Variants in FLCN observed in about 807,000 individuals in gnomAD.
FLCN encodes the protein BHD skin lesion fibrofolliculoma protein.
FLCN carries 22 observed loss-of-function variants against 62.5 expected under a neutral mutation model. That is an observed-to-expected ratio of 0.35 (90% CI 0.25 to 0.50). The LOEUF (loss-of-function observed/expected upper bound fraction) is 0.50, where lower values mean the gene tolerates loss of function less well. Ranked by LOEUF, FLCN falls within the 20% of genes least tolerant of loss-of-function variation. FLCN has a pLI of 0.97. For missense variants in FLCN, 657 were observed against 778.0 expected, an observed-to-expected ratio of 0.84 and a Z score of 1.85; for synonymous variants, 319 against 310.0, an observed-to-expected ratio of 1.03 and a Z score of -0.30.
At chr17:17,234,103 T>C (rs534571960) in intron 1 of FLCN, among the ~76,000 whole-genome samples, 1 of 151,942 alleles carries the variant, frequency 6.6e-6, no homozygotes, top group African/African-American at 2.4e-5. Context: ...TTTCAGGCCA[T>C]AGGCCTGGCA....
intron 3 of FLCN, among the ~76,000 whole-genome samples, chr17:17,231,303 C>T (rs775684753): frequency 5.3e-5 from 8 of 152,200 alleles, no homozygotes; most frequent in Admixed American, 4.6e-4. Context: ...ACACGACTCA[C>T]GCCACCCCTC....
In FLCN at chr17:17,216,354, G is replaced by GC. The variant is rs1455811415; in HGVS notation, c.1300+25dup. Reference sequence around the variant, plus strand: ...GTGGGGAACCTCAGCGCAGGGCATGGCCCCACAGCCCGCGGGGGCACGCAC... The same window carrying GC: ...GTGGGGAACCTCAGCGCAGGGCATGGCCCCCACAGCCCGCGGGGGCACGCAC... On this transcript the variant is annotated intron_variant, in intron 11 of 13. Coordinates refer to ENST00000285071, the MANE Select transcript of FLCN (RefSeq NM_144997.7). This position sits in a 1 kb window ranked among gnomAD's most constrained non-coding sequence, Gnocchi z 4.0. 1 of 1,612,466 alleles carries GC rather than the reference G, an allele frequency of 6.2e-7. No individual in the cohort carries two copies. The highest frequency in any genetic ancestry group is 8.5e-7 in the Non-Finnish European group (1 of 1,179,458).
chr17:17,234,592 C>T (rs2047526623), intron 1 of FLCN, among the ~76,000 whole-genome samples: 1 of 151,752 alleles, frequency 6.6e-6, no homozygotes, highest in Non-Finnish European at 1.5e-5. Flanking sequence ...GCCTGTAATC[C>T]CAGCACTTTG....
At position 17,228,243 on chromosome 17, in the gene FLCN, G is replaced by A. The variant is rs540630142; in HGVS notation, c.-24-82C>T. 3.6e-5 allele frequency: 54 copies of A among 1,482,186 alleles called. No individual in the cohort carries two copies. The South Asian group carries it at 6.4e-4, about 18-fold the overall frequency. 91.8% of individuals were successfully genotyped at this position (1,482,186 alleles called of 1,614,324 possible). A position where few individuals can be genotyped will look rare whatever the true frequency, so the allele number is the denominator to read the frequency against. On this transcript the variant is annotated intron_variant, in intron 3 of 13. Coordinates refer to ENST00000285071, the MANE Select transcript of FLCN (RefSeq NM_144997.7). ...CCCCAGCCCCTCTGGAGCACAGGGA[G>A]CACCTGGGTGCCATGGACTTCCTGC...
At chr17:17,221,422 G>T (rs1390632335) in intron 8 of FLCN, 115 bp downstream of exon 8, 1 of 1,613,668 alleles carries the variant, frequency 6.2e-7, no homozygotes, top group South Asian at 1.1e-5. Context: ...GCTCGTTCTG[G>T]GCTGATTCAG....
intron 8 of FLCN, 26 bp downstream of exon 8, chr17:17,221,510 GC>G (rs747786626): frequency 1.2e-6 from 2 of 1,613,748 alleles, no homozygotes; most frequent in Non-Finnish European, 1.7e-6. Context: ...CCGGGCCAAG[GC>G]CCCGGCAACA....
At chr17:17,228,536 G>C in intron 3 of FLCN, 1 of 277,748 alleles carries the variant, frequency 3.6e-6, no homozygotes, top group Non-Finnish European at 7.1e-6. Flanking sequence ...CAGGGAGAGG[G>C]TCCTCCACCC....
At chr17:17,234,218 G>GTT (rs774799487) in intron 1 of FLCN, among the ~76,000 whole-genome samples, 73 of 124,338 alleles carry the variant, frequency 5.9e-4, no homozygotes, top group African/African-American at 1.8e-3. Flanking sequence ...TTTTTGGTTT[G>GTT]TTTTTTTTTT....
chr17:17,231,978 T>G (rs2047436635), intron 2 of FLCN, 96 bp from the exon 3 acceptor site: 1 of 153,056 alleles, frequency 6.5e-6, no homozygotes, highest in Admixed American at 6.5e-5. Flanking sequence ...AGGGAGACCC[T>G]GGGTGTGGCT....
intron 10 of FLCN, 22 bp downstream of exon 10, chr17:17,217,047 C>T: frequency 6.4e-7 from 1 of 1,562,284 alleles, no homozygotes; most frequent in Non-Finnish European, 8.8e-7. Flanking sequence ...GCGCCGCACA[C>T]CTAAGGAAAA....
intron 5 of FLCN, 69 bp downstream of exon 5, chr17:17,226,107 G>T: frequency 6.2e-7 from 1 of 1,607,270 alleles, no homozygotes; most frequent in Non-Finnish European, 8.5e-7. Flanking sequence ...TGCTGGCTCC[G>T]AGCCCACCCA....
intron 1 of FLCN, among the ~76,000 whole-genome samples, chr17:17,234,615 G>A (rs139600743): frequency 0.033 from 4,988 of 151,234 alleles, 242 homozygotes; most frequent in African/African-American, 0.11. Flanking sequence ...AGGCCAAGGA[G>A]GGCAGATCAC....
In FLCN at chr17:17,221,554, T is replaced by C; in HGVS notation, c.854A>G (p.Gln285Arg). ...EGAPTEDTLV[Q>R]MEKLADLEEE... ...TGCCTCACCAGCGAGCTTCTCCATC[T>C]GGACCAAGGTATCCTCGGTCGGAGC... is the stretch of plus-strand genomic sequence containing the variant. The change falls in exon 8 of 14, where the codon CAG becomes CGG. Residue 285 changes from glutamine to arginine, a missense_variant. Transcript: ENST00000285071. The C allele has an allele frequency of 6.2e-7, 1 of 1,613,102 alleles. No individual in the cohort carries two copies. Among genetic ancestry groups the C allele is most frequent in the Non-Finnish European group, 8.5e-7 (1 of 1,180,014 alleles).
At position 17,213,646 on chromosome 17, in the gene FLCN, T is replaced by C. The variant is rs1421378146; in HGVS notation, c.*9A>G. On this transcript the variant is annotated 3_prime_UTR_variant, in exon 14 of 14. Coordinates refer to ENST00000285071, the MANE Select transcript of FLCN (RefSeq NM_144997.7). The stretch of plus-strand genomic sequence containing the variant: ...CCATCCCTGTCTTTAGGCAGGTGTG[T>C]GTGACGGGTCAGTTCCGAGACTCCG... 5 of 1,614,094 alleles carry C rather than the reference T, an allele frequency of 3.1e-6. No homozygotes were observed. In the African/African-American group the frequency reaches 4.0e-5, roughly 13 times the overall value.
Position 17,213,271 on chromosome 17 carries a change from G to A in FLCN, c.*384C>T, listed in dbSNP as rs1168450599. 2 of 419,856 alleles carry A rather than the reference G, an allele frequency of 4.8e-6. No individual in the cohort carries two copies. The highest frequency in any genetic ancestry group is 3.9e-5 in the African/African-American group (2 of 50,870). 26.0% of individuals were successfully genotyped at this position (419,856 alleles called of 1,614,324 possible). ...AATTTCAAAGTAGAAACGCTTGAATGTTAACCTCGGGAGCAGACATGTTAT... is the reference window on the plus strand; with the variant it reads ...AATTTCAAAGTAGAAACGCTTGAATATTAACCTCGGGAGCAGACATGTTAT... On this transcript the variant is annotated 3_prime_UTR_variant, in exon 14 of 14. Transcript: ENST00000285071.
At chr17:17,219,282 A>T (rs760862297) in intron 8 of FLCN, 73 bp from the exon 9 acceptor site, 1 of 1,295,984 alleles carries the variant, frequency 7.7e-7, no homozygotes, top group East Asian at 4.1e-5. Context: ...AAGATACTTC[A>T]TGGGCTGAGC....
chr17:17,228,014 C>G lies in FLCN; in HGVS notation c.124G>C (p.Gly42Arg), dbSNP rs1436126248. The change falls in exon 4 of 14, where the codon GGT becomes CGT. Residue 42 changes from glycine (G) to arginine (R), a missense_variant. Coordinates refer to ENST00000285071, the MANE Select transcript of FLCN (RefSeq NM_144997.7). Reference sequence around the variant, plus strand: ...CCTTCCTCTTCTTCCGCCTGCTCACCCTGGCCAGGACTGTCCTCATTCCCA... The same window carrying G: ...CCTTCCTCTTCTTCCGCCTGCTCACGCTGGCCAGGACTGTCCTCATTCCCA... ...GDGNEDSPGQ[G>R]EQAEEEEGGI... 1 of 1,614,006 alleles carries G rather than the reference C, an allele frequency of 6.2e-7. No homozygotes were observed.
At chr17:17,229,797 G>T (rs898251833) in intron 3 of FLCN, among the ~76,000 whole-genome samples, 1 of 152,200 alleles carries the variant, frequency 6.6e-6, no homozygotes, top group African/African-American at 2.4e-5. Context: ...GAGCCCTTTG[G>T]AGAGTTTCCG....
chr17:17,237,136 G>T lies in FLCN; in HGVS notation c.-452C>A, dbSNP rs562310783. 5.9e-5 allele frequency: 9 copies of T among 152,292 alleles called. No individual in the cohort carries two copies. Among genetic ancestry groups the T allele is most frequent in the African/African-American group, 2.2e-4 (9 of 41,546 alleles). The allele number at this position is 152,292 out of a possible 1,614,324, so 9.4% of individuals were successfully genotyped here. ...CAGGGGAGCTGGCAGAACCAGGAGC[G>T]ACCACACTCACTCGCGGTCCCGCAG... On this transcript the variant is annotated 5_prime_UTR_variant, in exon 1 of 14. Coordinates refer to ENST00000285071, the MANE Select transcript of FLCN (RefSeq NM_144997.7).
Sources: gnomAD v4.1 joint callset for allele counts (sites outside exome capture counted in the v4.1 genomes callset) on GRCh38, gnomAD v4.1.1 for gene constraint, Gnocchi (gnomAD v3.1) non-coding constraint, MANE v1.5 for transcripts, NCBI Gene and HGNC (gene_info 2026-07-23, HGNC 2026-07-21) for gene names.